The following NEMP2 variants were observed in gnomAD, a reference collection of about 807,000 sequenced individuals.
The protein encoded by NEMP2 is UPF0571 transmembrane protein.
A neutral mutation model predicts 54.2 loss-of-function variants in NEMP2; 53 were observed. That is an observed-to-expected ratio of 0.98 (90% CI 0.78 to 1.23). The LOEUF (loss-of-function observed/expected upper bound fraction) is 1.23, where lower values mean the gene tolerates loss of function less well. NEMP2 is among the 50% of genes most tolerant of loss of function. The pLI is 0.00. For synonymous variants in NEMP2, 197 were observed against 190.3 expected, an observed-to-expected ratio of 1.04 and a Z score of -0.29; for missense variants, 455 against 511.3, an observed-to-expected ratio of 0.89 and a Z score of 1.06.
At chr2:190,616,650 C>T in the NEMP2 span, among the ~76,000 whole-genome samples, 1 of 152,136 alleles carries the variant, frequency 6.6e-6, no homozygotes, top group South Asian at 2.1e-4. This position sits in a 1 kb window ranked among gnomAD's most constrained non-coding sequence, Gnocchi z 5.1. Flanking sequence ...GAAACTATAC[C>T]TTTGGATCCC....
chr2:190,531,732 A>G lies in NEMP2; in HGVS notation c.97+2827T>C, dbSNP rs1691151783. ...TTATAAGCTCAATTATCTCCTTTGTAGTACTTTTGTCATTTATTAGTTTTC... is the reference window on the plus strand; with the variant it reads ...TTATAAGCTCAATTATCTCCTTTGTGGTACTTTTGTCATTTATTAGTTTTC... On this transcript the variant is annotated intron_variant, in intron 1 of 8. Coordinates refer to ENST00000409150, the MANE Select transcript of NEMP2 (RefSeq NM_001142645.2). This position sits in a 1 kb window ranked among gnomAD's most constrained non-coding sequence, Gnocchi z 4.7. 6.6e-6 allele frequency among the ~76,000 whole-genome samples: 1 copy of G among 152,200 alleles called. No individual in the cohort carries two copies. Among genetic ancestry groups the G allele is most frequent in the Admixed American group, 6.5e-5 (1 of 15,282 alleles).
the NEMP2 span, among the ~76,000 whole-genome samples, chr2:190,586,615 T>C: frequency 3.9e-5 from 6 of 152,236 alleles, no homozygotes; most frequent in African/African-American, 1.4e-4. This position sits in a 1 kb window ranked among gnomAD's most constrained non-coding sequence, Gnocchi z 4.5. Flanking sequence ...TTTACATATT[T>C]TTCTTCCTTC....
At chr2:190,440,301 G>A in the NEMP2 span, among the ~76,000 whole-genome samples, 1 of 152,214 alleles carries the variant, frequency 6.6e-6, no homozygotes, top group Non-Finnish European at 1.5e-5. Flanking sequence ...GGACTGACCT[G>A]TCAGTCTAAA....
the NEMP2 span, among the ~76,000 whole-genome samples, chr2:190,438,474 C>T: frequency 6.6e-6 from 1 of 152,212 alleles, no homozygotes; most frequent in Non-Finnish European, 1.5e-5. The surrounding 1 kb of genome is among the most constrained non-coding windows in gnomAD (Gnocchi z 5.2). Flanking sequence ...CAAGATCACA[C>T]CACTGCACAC....
At chr2:190,427,083 C>T in the NEMP2 span, among the ~76,000 whole-genome samples, 3 of 152,342 alleles carry the variant, frequency 2.0e-5, no homozygotes, top group South Asian at 2.1e-4. Context: ...CTCCTTACTG[C>T]TGGCCAGTGG....
chr2:190,454,905 CTGTA>C, the NEMP2 span, among the ~76,000 whole-genome samples: 2 of 149,732 alleles, frequency 1.3e-5, no homozygotes, highest in Non-Finnish European at 2.9e-5. This position sits in a 1 kb window ranked among gnomAD's most constrained non-coding sequence, Gnocchi z 4.6. Context: ...TTGTATTTTT[CTGTA>C]TGTATATGTG....
the NEMP2 span, among the ~76,000 whole-genome samples, chr2:190,580,639 C>T: frequency 3.3e-5 from 5 of 152,120 alleles, no homozygotes; most frequent in Admixed American, 3.3e-4. This position sits in a 1 kb window ranked among gnomAD's most constrained non-coding sequence, Gnocchi z 5.3. Context: ...TTTAAGACTC[C>T]AAATTTTCAA....
chr2:190,446,834 A>C, the NEMP2 span, among the ~76,000 whole-genome samples: 1 of 152,132 alleles, frequency 6.6e-6, no homozygotes, highest in Admixed American at 6.6e-5. Flanking sequence ...TTAAATGTCA[A>C]CCTCCTTCAG....
chr2:190,487,156 C>T, the NEMP2 span, among the ~76,000 whole-genome samples: 4 of 151,834 alleles, frequency 2.6e-5, no homozygotes, highest in South Asian at 2.1e-4. This position sits in a 1 kb window ranked among gnomAD's most constrained non-coding sequence, Gnocchi z 5.5. Context: ...TCCTGGCCAA[C>T]GTGGTGAAAC....
chr2:190,446,346 T>G, the NEMP2 span, among the ~76,000 whole-genome samples: 1 of 152,176 alleles, frequency 6.6e-6, no homozygotes, highest in Non-Finnish European at 1.5e-5. Flanking sequence ...GTTTGGGAAG[T>G]TCCCCCAGAT....
At chr2:190,436,832 A>T in the NEMP2 span, 1 of 1,614,158 alleles carries the variant, frequency 6.2e-7, no homozygotes. This position sits in a 1 kb window ranked among gnomAD's most constrained non-coding sequence, Gnocchi z 5.3. Flanking sequence ...ACCACCACCA[A>T]ATCTTTACCT....
chr2:190,581,965 C>A, the NEMP2 span, among the ~76,000 whole-genome samples: 126,896 of 152,152 alleles, frequency 0.83, 53,018 homozygotes, highest in Admixed American at 0.87. Context: ...CTCCAACTCC[C>A]TGAAAGCTGG....
chr2:190,489,585 G>C, the NEMP2 span, among the ~76,000 whole-genome samples: 1 of 152,248 alleles, frequency 6.6e-6, no homozygotes, highest in South Asian at 2.1e-4. This position sits in a 1 kb window ranked among gnomAD's most constrained non-coding sequence, Gnocchi z 6.6. Context: ...ATCAGCCCTG[G>C]GTCTCTTGAC....
At chr2:190,642,633 C>T in the NEMP2 span, among the ~76,000 whole-genome samples, 7 of 151,964 alleles carry the variant, frequency 4.6e-5, no homozygotes, top group South Asian at 2.1e-4. This position sits in a 1 kb window ranked among gnomAD's most constrained non-coding sequence, Gnocchi z 4.1. Context: ...AATTTCATAT[C>T]GCAAAATAAG....
At chr2:190,478,518 G>A in the NEMP2 span, among the ~76,000 whole-genome samples, 2 of 152,186 alleles carry the variant, frequency 1.3e-5, no homozygotes, top group African/African-American at 2.4e-5. Flanking sequence ...GTTTGGATTC[G>A]TCTGCCTTTA....
At chr2:190,583,893 C>A in the NEMP2 span, among the ~76,000 whole-genome samples, 2 of 152,228 alleles carry the variant, frequency 1.3e-5, no homozygotes, top group African/African-American at 4.8e-5. Flanking sequence ...CTCTTTGGCG[C>A]CTGGCCATGG....
the NEMP2 span, among the ~76,000 whole-genome samples, chr2:190,477,660 T>C: frequency 6.6e-6 from 1 of 152,328 alleles, no homozygotes; most frequent in Non-Finnish European, 1.5e-5. Context: ...GAGAATGTAA[T>C]AAAATATATA....
chr2:190,544,434 A>T, the NEMP2 span, among the ~76,000 whole-genome samples: 3 of 152,146 alleles, frequency 2.0e-5, no homozygotes, highest in Admixed American at 1.3e-4. Flanking sequence ...GTAAAAAAAA[A>T]TTGGTTAAAT....
Position 190,519,280 on chromosome 2 carries a change from G to A in NEMP2, c.214-97C>T, listed in dbSNP as rs1690673691. On this transcript the variant is annotated intron_variant, in intron 2 of 8. Transcript: ENST00000409150. The surrounding 1 kb of genome is among the most constrained non-coding windows in gnomAD (Gnocchi z 5.4). ...TCTGTTGCCCAGAATGGAGTGCAGT[G>A]GCAGGATCTCTGCTCACTGCAACCT... is the stretch of plus-strand genomic sequence containing the variant. 2.4e-6 allele frequency: 2 copies of A among 849,756 alleles called. No individual in the cohort carries two copies. The highest frequency in any genetic ancestry group is 1.7e-5 in the African/African-American group (1 of 58,878). 52.6% of individuals were successfully genotyped at this position (849,756 alleles called of 1,614,324 possible).
Sources: allele counts gnomAD v4.1 joint callset (sites outside exome capture counted in the v4.1 genomes callset), GRCh38; gene constraint gnomAD v4.1.1; non-coding constraint Gnocchi (gnomAD v3.1); transcripts MANE v1.5; gene names NCBI Gene and HGNC (gene_info 2026-07-23, HGNC 2026-07-21).